The following SHANK1 variants were observed in gnomAD, a reference collection of about 807,000 sequenced individuals.
SHANK1 encodes SH3 and multiple ankyrin repeat domains protein 1.
In SHANK1, 35 loss-of-function variants were observed where a neutral mutation model predicts 165.6. The ratio of observed to expected loss-of-function variants is 0.21; its 90% confidence interval spans 0.16 to 0.28. SHANK1 has a LOEUF of 0.28. Among genes scored for constraint, SHANK1 ranks in the 10% least tolerant of loss-of-function variants. The pLI is 1.00. For missense variants in SHANK1, 2,681 were observed against 3,036.4 expected (o/e 0.88, Z 2.75); for synonymous variants, 1,428 against 1,384.8 (o/e 1.03, Z -0.69).
chr19:50,672,277 G>C (rs1366525852), intron 21 of SHANK1, among the ~76,000 whole-genome samples, 163 bp from the exon 22 acceptor site: 3 of 152,176 alleles, frequency 2.0e-5, no homozygotes, highest in Non-Finnish European at 4.4e-5. Flanking sequence ...CGGGCAACGT[G>C]GCTCACGCCT....
At position 50,669,023 on chromosome 19, in the gene SHANK1, G is replaced by A. The variant is rs774323961; in HGVS notation, c.2937C>T (p.Arg979=). The A allele has an allele frequency of 1.2e-6, 1 of 851,144 alleles. No homozygotes were observed. The highest frequency in any genetic ancestry group is 1.8e-6 in the Non-Finnish European group (1 of 568,226). 52.7% of individuals were successfully genotyped at this position (851,144 alleles called of 1,614,324 possible). Reference sequence around the variant, plus strand: ...ACAGGCTCTTCTCGCGGCTCCCCACGCGAGTGTCGGGAGGGGAGGGCCCGT... The same window carrying A: ...ACAGGCTCTTCTCGCGGCTCCCCACACGAGTGTCGGGAGGGGAGGGCCCGT... ...SFDGPSPPDT[R]VGSREKSLYH... Residue 979 remains arginine (R), a synonymous_variant, in exon 23 of 24, where the codon CGC becomes CGT. Transcript: ENST00000293441.
At chr19:50,663,041 G>A (rs183634347) in intron 23 of SHANK1, 164 of 312,782 alleles carry the variant, frequency 5.2e-4, no homozygotes, top group Non-Finnish European at 6.9e-4. Flanking sequence ...TAATCCCCAC[G>A]ACAGCCCTGA....
chr19:50,713,920 C>T lies in SHANK1; in HGVS notation c.670G>A (p.Glu224Lys), dbSNP rs762352076. 2.1e-5 allele frequency: 34 copies of T among 1,613,640 alleles called. No homozygotes were observed. Among genetic ancestry groups the T allele is most frequent in the Non-Finnish European group, 2.5e-5 (30 of 1,179,882 alleles). ...ETPLTLAAQT[E>K]GSVEVIRTLC... ...GTTCGAATCACCTCTACAGAGCCTTCGGTCTGGGCCGCCAGTGTCAAGGGG... is the reference window on the plus strand; with the variant it reads ...GTTCGAATCACCTCTACAGAGCCTTTGGTCTGGGCCGCCAGTGTCAAGGGG... The change falls in exon 6 of 24, where the codon GAA (glutamate) becomes AAA (lysine). Residue 224 changes from glutamate to lysine, a missense_variant. Physicochemically the swap from Glu to Lys is moderately conservative, Grantham distance 56 (BLOSUM62 1). Transcript: ENST00000293441. This position sits in a 1 kb window ranked among gnomAD's most constrained non-coding sequence, Gnocchi z 6.2.
At position 50,667,599 on chromosome 19, in the gene SHANK1, C is replaced by T. The variant is rs895075246; in HGVS notation, c.4361G>A (p.Gly1454Glu). 21 of 1,435,268 alleles carry T rather than the reference C, an allele frequency of 1.5e-5. No homozygotes were observed. The highest frequency in any genetic ancestry group is 1.8e-5 in the Non-Finnish European group (20 of 1,106,252). The allele number at this position is 1,435,268 out of a possible 1,614,324, so 88.9% of individuals were successfully genotyped here. A position where few individuals can be genotyped will look rare whatever the true frequency, so the allele number is the denominator to read the frequency against. ...CAGCTGCAGCAGGAGGGGCCCCACC[C>T]CGGGAGCGGTGGGCGGCAGGCGGTG... ...LLHRLPPTAP[G>E]VGPLLLQLGT... Residue 1454 changes from glycine to glutamate, a missense_variant, in exon 23 of 24, where the codon GGG (glycine) becomes GAG (glutamate). Gly to Glu is a moderately conservative substitution (Grantham distance 98). Transcript: ENST00000293441. The surrounding 1 kb of genome is among the most constrained non-coding windows in gnomAD (Gnocchi z 5.7).
intron 8 of SHANK1, among the ~76,000 whole-genome samples, chr19:50,709,378 T>A (rs948855774): frequency 6.6e-6 from 1 of 152,120 alleles, no homozygotes; most frequent in Admixed American, 6.5e-5. Flanking sequence ...CCTGACCTAG[T>A]GATCCGCCCG....
In SHANK1 at chr19:50,662,519, T is replaced by TGGA. The variant is rs769737781; in HGVS notation, c.5929_5931dup (p.Ser1977dup). ...ACGCCCTGGAGGTGGCGGGTGGACG[T>TGGA]GGAGGAGGAGGAGGCTGAGGGTGAG... is the stretch of plus-strand genomic sequence containing the variant. On this transcript the variant is annotated inframe_insertion, in exon 24 of 24. Transcript: ENST00000293441. The surrounding 1 kb of genome is among the most constrained non-coding windows in gnomAD (Gnocchi z 7.7). The TGGA allele has an allele frequency of 2.6e-6, 4 of 1,557,222 alleles. No homozygotes were observed. The highest frequency in any genetic ancestry group is 2.4e-5 in the East Asian group (1 of 41,672).
chr19:50,699,782 A>G (rs1986848222), intron 12 of SHANK1, among the ~76,000 whole-genome samples: 1 of 145,100 alleles, frequency 6.9e-6, no homozygotes, highest in African/African-American at 2.6e-5. Flanking sequence ...CATTGGGGGA[A>G]TGGAGGGCTT....
rs573875779 is a variant in SHANK1 at position 50,708,779 on chromosome 19, T to C, written c.1077+2592A>G. Among the ~76,000 whole-genome samples, 716 of 152,322 alleles carry C rather than the reference T, an allele frequency of 4.7e-3. 6 individuals carry two copies. Among genetic ancestry groups the C allele is most frequent in the Middle Eastern group, 6.8e-3 (2 of 294 alleles). ...AGGGCTGACCCCATCATTCATTCAC[T>C]CATTTTCATTCATTCATTCACTCAC... is the stretch of plus-strand genomic sequence containing the variant. On this transcript the variant is annotated intron_variant, in intron 8 of 23. Transcript: ENST00000293441.
At position 50,668,532 on chromosome 19, in the gene SHANK1, G is replaced by T; in HGVS notation, c.3428C>A (p.Ala1143Asp). The T allele has an allele frequency of 7.4e-7, 1 of 1,355,866 alleles. No homozygotes were observed. Among genetic ancestry groups the T allele is most frequent in the South Asian group, 2.3e-5 (1 of 42,928 alleles). 84.0% of individuals were successfully genotyped at this position (1,355,866 alleles called of 1,614,324 possible). ...TSPASPQPPP[A>D]VAAPSEKNSI... ...GTTCTTCTCCGAGGGCGCGGCCACG[G>T]CGGGCGGCGGCTGCGGGGAGGCCGG... The change falls in exon 23 of 24, where the codon GCC becomes GAC. Residue 1143 changes from alanine to aspartate, a missense_variant. Ala to Asp is a moderately radical substitution (Grantham distance 126, BLOSUM62 -2). Transcript: ENST00000293441.
At chr19:50,707,465 A>G (rs1437955098) in intron 8 of SHANK1, among the ~76,000 whole-genome samples, 1 of 152,066 alleles carries the variant, frequency 6.6e-6, no homozygotes, top group Non-Finnish European at 1.5e-5. Flanking sequence ...GTATGGGCCT[A>G]TGTTACAGGA....
intron 12 of SHANK1, among the ~76,000 whole-genome samples, chr19:50,700,343 G>A (rs925329052): frequency 1.3e-4 from 20 of 150,776 alleles, no homozygotes; most frequent in Non-Finnish European, 2.7e-4. Context: ...GGCATTGGAG[G>A]ATTGGAGGGC....
At chr19:50,694,503 C>T (rs1180259279) in intron 15 of SHANK1, among the ~76,000 whole-genome samples, 1 of 137,560 alleles carries the variant, frequency 7.3e-6, no homozygotes, top group Admixed American at 7.7e-5. Context: ...GGAATGGGGG[C>T]GCTAAGGGCG....
Position 50,666,935 on chromosome 19 carries a change from G to C in SHANK1, c.5025C>G (p.Ile1675Met), listed in dbSNP as rs1191323956. 1.2e-6 allele frequency: 2 copies of C among 1,601,432 alleles called. No homozygotes were observed. Among genetic ancestry groups the C allele is most frequent in the Non-Finnish European group, 1.7e-6 (2 of 1,174,296 alleles). The change falls in exon 23 of 24, where the codon ATC becomes ATG. Residue 1675 changes from isoleucine to methionine, a missense_variant. Ile to Met is a conservative substitution (Grantham distance 10, BLOSUM62 1). Around this residue, in one of 10 missense-constraint regions of SHANK1, gnomAD observed 1,713 missense variants for 1,630.2 expected, o/e 1.05. Transcript: ENST00000293441. ...TGCTGCTCCGACTGTCCACCTCCTCGATGCCAGAATCCGTGCCAGGCGGAG... is the reference window on the plus strand; with the variant it reads ...TGCTGCTCCGACTGTCCACCTCCTCCATGCCAGAATCCGTGCCAGGCGGAG... ...PDPPPGTDSG[I>M]EEVDSRSSSD...
rs548806531 is a variant in SHANK1, at chr19:50,692,193, C to G, written c.1965-2914G>C. On this transcript the variant is annotated intron_variant, in intron 15 of 23. Coordinates refer to ENST00000293441, the MANE Select transcript of SHANK1 (RefSeq NM_016148.5). ...CACCCTGAGCTCGGCCCTGCAGCAC[C>G]TGGAGTTTATCCCAGGGTGTGGCAG... 2.6e-5 allele frequency among the ~76,000 whole-genome samples: 4 copies of G among 152,174 alleles called. No individual in the cohort carries two copies. The South Asian group carries it at 8.3e-4, about 32-fold the overall frequency.
Position 50,661,870 on chromosome 19 carries a change from T to A in SHANK1, c.*95A>T, listed in dbSNP as rs1985240266. The A allele has an allele frequency of 6.4e-6, 9 of 1,416,244 alleles. 1 individual carries two copies. Among genetic ancestry groups the A allele is most frequent in the Non-Finnish European group, 7.8e-6 (8 of 1,019,296 alleles). The allele number at this position is 1,416,244 out of a possible 1,614,324, so 87.7% of individuals were successfully genotyped here. A position where few individuals can be genotyped will look rare whatever the true frequency, so the allele number is the denominator to read the frequency against. On this transcript the variant is annotated 3_prime_UTR_variant, in exon 24 of 24. Coordinates refer to ENST00000293441, the MANE Select transcript of SHANK1 (RefSeq NM_016148.5). ...CAGGGCGCAGTTTGAACAGAGTCCCTGGCCCGGGGAGAGAATGACAGTCAG... is the reference window on the plus strand; with the variant it reads ...CAGGGCGCAGTTTGAACAGAGTCCCAGGCCCGGGGAGAGAATGACAGTCAG...
chr19:50,702,637 C>T lies in SHANK1; in HGVS notation c.1577G>A (p.Gly526Glu). 6.3e-7 allele frequency: 1 copy of T among 1,578,866 alleles called. No individual in the cohort carries two copies. Among genetic ancestry groups the T allele is most frequent in the South Asian group, 1.1e-5 (1 of 87,616 alleles). Residue 526 changes from glycine (G) to glutamate (E), a missense_variant, in exon 12 of 24, where the codon GGG becomes GAG. By Grantham distance (98) the Gly-to-Glu change is moderately conservative. Coordinates refer to ENST00000293441, the MANE Select transcript of SHANK1 (RefSeq NM_016148.5). This position sits in a 1 kb window ranked among gnomAD's most constrained non-coding sequence, Gnocchi z 5.3. ...RPSSSGTPRE[G>E]PAGGTGGSGG... ...TGAGCCCCCCGTGCCCCCGGCTGGCCCTTCCCGGGGTGTCCCGCTGGAGCT... is the reference window on the plus strand; with the variant it reads ...TGAGCCCCCCGTGCCCCCGGCTGGCTCTTCCCGGGGTGTCCCGCTGGAGCT...
intron 12 of SHANK1, among the ~76,000 whole-genome samples, chr19:50,699,962 G>A (rs1986859181): frequency 7.8e-6 from 1 of 128,710 alleles, no homozygotes; most frequent in East Asian, 2.4e-4. Flanking sequence ...GAGGATTGGA[G>A]GGCTCGGGGC....
rs972028958 is a variant in SHANK1 at position 50,688,615 on chromosome 19, G to A, written c.2172+229C>T. Among the ~76,000 whole-genome samples, 12 of 152,284 alleles carry A rather than the reference G, an allele frequency of 7.9e-5. No individual in the cohort carries two copies. The highest frequency in any genetic ancestry group is 2.4e-4 in the African/African-American group (10 of 41,552). ...GAGCCGCTGTGCCTGGCCATCCCCC[G>A]GTATTGTGTATGTGTTGGGGACAGC... On this transcript the variant is annotated intron_variant, in intron 17 of 23. Transcript: ENST00000293441. This position sits in a 1 kb window ranked among gnomAD's most constrained non-coding sequence, Gnocchi z 6.7.
intron 12 of SHANK1, among the ~76,000 whole-genome samples, chr19:50,701,570 C>T (rs1346900962): frequency 6.6e-6 from 1 of 151,252 alleles, no homozygotes; most frequent in Non-Finnish European, 1.5e-5. Context: ...CTCCTCCAAT[C>T]CTCATCAAAG....
Sources: gnomAD v4.1 joint callset for allele counts (sites outside exome capture counted in the v4.1 genomes callset) on GRCh38, gnomAD v4.1.1 for gene constraint, gnomAD v4.1.1 regional missense constraint, Gnocchi (gnomAD v3.1) non-coding constraint, MANE v1.5 for transcripts, NCBI Gene and HGNC (gene_info 2026-07-23, HGNC 2026-07-21) for gene names.